Variants in ERBB4 observed in about 807,000 individuals in gnomAD.
The protein encoded by ERBB4 is receptor tyrosine-protein kinase erbB-4.
In ERBB4, 42 loss-of-function variants were observed where a neutral mutation model predicts 158.0. The ratio of observed to expected loss-of-function variants is 0.27; its 90% CI spans 0.21 to 0.34. The LOEUF is 0.34. ERBB4 is among the 10% of genes least tolerant of loss of function. The probability of loss-of-function intolerance (pLI) is 1.00; values close to 1 mark genes in which losing one functional copy is unlikely to be tolerated. For missense variants in ERBB4, 1,333 were observed against 1,624.1 expected (o/e 0.82, Z 3.08); for synonymous variants, 583 against 558.7 (o/e 1.04, Z -0.61).
intron 20 of ERBB4, among the ~76,000 whole-genome samples, chr2:211,444,149 T>TAACA (rs10638399): frequency 0.73 from 110,769 of 151,558 alleles, 40,851 homozygotes; most frequent in African/African-American, 0.82. Context: ...ATTATCTGTA[T>TAACA]AACATTTCAC....
At chr2:212,495,231 T>A (rs1690495125) in intron 1 of ERBB4, among the ~76,000 whole-genome samples, 1 of 152,022 alleles carries the variant, frequency 6.6e-6, no homozygotes, top group Non-Finnish European at 1.5e-5. Flanking sequence ...CTTGTTGAAA[T>A]AAAAAAGAAA....
intron 2 of ERBB4, among the ~76,000 whole-genome samples, chr2:211,992,375 G>C (rs1489169207): frequency 6.6e-6 from 1 of 152,006 alleles, no homozygotes; most frequent in Non-Finnish European, 1.5e-5. Flanking sequence ...CTTATTCACT[G>C]TCACAAGAAT....
At chr2:211,614,675 C>A (rs1377145260) in intron 19 of ERBB4, among the ~76,000 whole-genome samples, 1 of 151,844 alleles carries the variant, frequency 6.6e-6, no homozygotes, top group African/African-American at 2.4e-5. Flanking sequence ...AACAAAATAC[C>A]TTTTCAAATA....
At chr2:211,835,306 A>C (rs1320314025) in intron 3 of ERBB4, among the ~76,000 whole-genome samples, 2 of 150,722 alleles carry the variant, frequency 1.3e-5, no homozygotes, top group African/African-American at 4.9e-5. Flanking sequence ...GCATGGCTCC[A>C]TTGTGATTTC....
intron 2 of ERBB4, among the ~76,000 whole-genome samples, chr2:212,097,086 A>G (rs931462664): frequency 2.6e-5 from 4 of 152,202 alleles, no homozygotes; most frequent in African/African-American, 9.6e-5. Flanking sequence ...GTACATACAG[A>G]TAAGCTACAG....
intron 1 of ERBB4, among the ~76,000 whole-genome samples, chr2:212,447,601 T>C (rs370116287): frequency 6.6e-6 from 1 of 152,220 alleles, no homozygotes; most frequent in East Asian, 1.9e-4. Context: ...ATTAATCCAG[T>C]TTTCAAATAA....
intron 1 of ERBB4, among the ~76,000 whole-genome samples, chr2:212,268,611 A>T (rs2085234309): frequency 6.6e-6 from 1 of 151,922 alleles, no homozygotes; most frequent in South Asian, 2.1e-4. Flanking sequence ...TTGGATAGCA[A>T]GTACTTTAGG....
At chr2:211,554,647 G>T (rs1416653425) in intron 20 of ERBB4, among the ~76,000 whole-genome samples, 1 of 152,222 alleles carries the variant, frequency 6.6e-6, no homozygotes, top group Non-Finnish European at 1.5e-5. Context: ...CTTGGTCCCA[G>T]GATCTGTGCT....
At position 212,042,399 on chromosome 2, in the gene ERBB4, C is replaced by T. The variant is rs763823562; in HGVS notation, c.234+82353G>A. ...GCCATCATGAATTATTTTACAAATA[C>T]TTCAAATTAGGTTTTCACGGAAGCT... On this transcript the variant is annotated intron_variant, in intron 2 of 27. Transcript: ENST00000342788. 3.3e-5 allele frequency among the ~76,000 whole-genome samples: 5 copies of T among 151,994 alleles called. No homozygotes were observed. The South Asian group carries it at 1.0e-3, about 31-fold the overall frequency.
chr2:212,535,536 A>G (rs1479512828), intron 1 of ERBB4, among the ~76,000 whole-genome samples: 1 of 152,192 alleles, frequency 6.6e-6, no homozygotes, highest in Admixed American at 6.5e-5. Flanking sequence ...TTCATCGTTT[A>G]TCTACTAAGG....
At chr2:211,880,247 A>G (rs1222192636) in intron 3 of ERBB4, among the ~76,000 whole-genome samples, 1 of 152,134 alleles carries the variant, frequency 6.6e-6, no homozygotes, top group Non-Finnish European at 1.5e-5. Context: ...TGCTACTTAC[A>G]CTACAAAATC....
chr2:212,290,344 T>G (rs576844091), intron 1 of ERBB4, among the ~76,000 whole-genome samples: 1 of 152,270 alleles, frequency 6.6e-6, no homozygotes, highest in African/African-American at 2.4e-5. Context: ...CACACAGTAG[T>G]ACATAGCATT....
At chr2:211,760,886 A>C (rs377032195) in intron 4 of ERBB4, among the ~76,000 whole-genome samples, 3 of 152,188 alleles carry the variant, frequency 2.0e-5, no homozygotes, top group African/African-American at 7.2e-5. Context: ...TGATAGCATA[A>C]GTACTACCAT....
In ERBB4 at chr2:211,623,990, T is replaced by C. The variant is rs747184711; in HGVS notation, c.2134A>G (p.Ile712Val). The part of the protein sequence containing the change: ...GTAPNQAQLR[I>V]LKETELKRVK... ...CTCTTCAGCTCAGTTTCTTTCAAAA[T>C]ACGAAGTTGAGCTTGATTGGGTGCT... Residue 712 changes from isoleucine to valine, a missense_variant, in exon 18 of 28, where the codon ATT becomes GTT. Physicochemically the swap from Ile to Val is conservative, Grantham distance 29. Transcript: ENST00000342788. 8.7e-6 allele frequency: 14 copies of C among 1,614,090 alleles called. 1 individual carries two copies. In the South Asian group the frequency reaches 1.5e-4, roughly 18 times the overall value.
intron 1 of ERBB4, among the ~76,000 whole-genome samples, chr2:212,190,430 G>A (rs1044128572): frequency 3.3e-5 from 5 of 151,928 alleles, no homozygotes; most frequent in African/African-American, 1.2e-4. Flanking sequence ...CCAGCTACTC[G>A]GGAGGCTGAG....
intron 1 of ERBB4, among the ~76,000 whole-genome samples, chr2:212,244,563 G>A (rs752181683): frequency 2.0e-5 from 3 of 152,136 alleles, no homozygotes. Context: ...TATATAAAGA[G>A]AGACGTCTAG....
intron 1 of ERBB4, among the ~76,000 whole-genome samples, chr2:212,427,667 C>T (rs1213403280): frequency 1.3e-5 from 2 of 152,096 alleles, no homozygotes; most frequent in Non-Finnish European, 2.9e-5. Context: ...AGGAGAGAAA[C>T]TAGCAATAAT....
intron 1 of ERBB4, among the ~76,000 whole-genome samples, chr2:212,529,286 G>A (rs1469696280): frequency 2.0e-5 from 3 of 152,002 alleles, no homozygotes; most frequent in African/African-American, 7.2e-5. Flanking sequence ...TTAAAATACT[G>A]AACTACAAAA....
intron 20 of ERBB4, among the ~76,000 whole-genome samples, chr2:211,501,910 T>A (rs1407465795): frequency 6.6e-6 from 1 of 152,118 alleles, no homozygotes; most frequent in Non-Finnish European, 1.5e-5. Flanking sequence ...ACATTAAATC[T>A]CCCAGAGCAT....
Sources: allele counts gnomAD v4.1 joint callset (sites outside exome capture counted in the v4.1 genomes callset), GRCh38; gene constraint gnomAD v4.1.1; transcripts MANE v1.5; gene names NCBI Gene and HGNC (gene_info 2026-07-23, HGNC 2026-07-21).